Variants in BTBD10 observed in about 807,000 individuals in gnomAD.
The protein encoded by BTBD10 is BTB domain containing 10.
Under a neutral mutation model 53.2 loss-of-function variants are expected in BTBD10, and 21 were observed. That is an observed-to-expected ratio of 0.39 (90% confidence interval 0.28 to 0.57). The LOEUF is 0.57. Among genes scored for constraint, BTBD10 ranks in the 20% least tolerant of loss-of-function variants. BTBD10 has a pLI of 0.53. For missense variants in BTBD10, 360 were observed against 594.7 expected, an observed-to-expected ratio of 0.61 and a Z score of 4.10; for synonymous variants, 149 against 192.7, an observed-to-expected ratio of 0.77 and a Z score of 1.88.
intron 8 of BTBD10, among the ~76,000 whole-genome samples, chr11:13,400,657 C>T (rs967371982): frequency 6.6e-6 from 1 of 151,388 alleles, no homozygotes; most frequent in East Asian, 1.9e-4. Flanking sequence ...AAGCTGTAGA[C>T]TGGAGCTGTT....
rs201471460 is a variant in BTBD10 at position 13,421,799 on chromosome 11, G to T, written c.141C>A (p.Thr47=). The T allele has an allele frequency of 3.1e-6, 5 of 1,613,464 alleles. No homozygotes were observed. Among genetic ancestry groups the T allele is most frequent in the Non-Finnish European group, 8.5e-7 (1 of 1,179,698 alleles). The part of the protein sequence containing the change: ...SRIAKGGVDH[T]KMSLHGASGG... The stretch of plus-strand genomic sequence containing the variant: ...CACTAGCACCATGTAGACTCATTTT[G>T]GTGTGGTCAACTCCTCCTTTAGCAA... Residue 47 remains threonine, a synonymous_variant, in exon 3 of 9, where the codon ACC becomes ACA. Coordinates refer to ENST00000278174, the MANE Select transcript of BTBD10 (RefSeq NM_032320.7).
intron 2 of BTBD10, among the ~76,000 whole-genome samples, chr11:13,425,285 T>TC (rs923050438): frequency 1.3e-5 from 2 of 152,104 alleles, no homozygotes; most frequent in Non-Finnish European, 2.9e-5. Flanking sequence ...CTGTTCCAGT[T>TC]CCCCTAATAA....
chr11:13,446,918 G>C (rs1950758192), intron 1 of BTBD10, among the ~76,000 whole-genome samples: 1 of 152,036 alleles, frequency 6.6e-6, no homozygotes. Flanking sequence ...TGGGGAGAAT[G>C]AACAAATCGG....
intron 1 of BTBD10, among the ~76,000 whole-genome samples, chr11:13,457,742 C>T (rs1161843369): frequency 6.6e-6 from 1 of 152,092 alleles, no homozygotes; most frequent in African/African-American, 2.4e-5. Flanking sequence ...CACATAATGA[C>T]TTACATACTC....
chr11:13,445,074 A>G lies in BTBD10; in HGVS notation c.51T>C (p.Asn17=), dbSNP rs1469827220. Residue 17 remains asparagine, a synonymous_variant, in exon 2 of 9, where the codon AAT becomes AAC. Coordinates refer to ENST00000278174, the MANE Select transcript of BTBD10 (RefSeq NM_032320.7). ...PYDGNSSDPE[N]WDRKLHSRPR... ...GTCTACTATGCAATTTCCGATCCCA[A>G]TTCTCTGGATCACTGGAGTTACCAT... The G allele has an allele frequency of 2.5e-6, 4 of 1,613,328 alleles. No individual in the cohort carries two copies. The highest frequency in any genetic ancestry group is 1.7e-5 in the Admixed American group (1 of 59,964).
intron 2 of BTBD10, among the ~76,000 whole-genome samples, chr11:13,424,437 A>G (rs538792040): frequency 1.3e-5 from 2 of 152,370 alleles, no homozygotes; most frequent in African/African-American, 2.4e-5. Context: ...ATTCCCATAT[A>G]GACTGAACCC....
At chr11:13,428,138 G>A (rs1834082011) in intron 2 of BTBD10, among the ~76,000 whole-genome samples, 1 of 152,046 alleles carries the variant, frequency 6.6e-6, no homozygotes, top group East Asian at 1.9e-4. Flanking sequence ...AGAAATAAGA[G>A]AGGCTACAGA....
chr11:13,396,023 C>G (rs1031619379), intron 8 of BTBD10, among the ~76,000 whole-genome samples: 63 of 151,926 alleles, frequency 4.1e-4, no homozygotes, highest in Non-Finnish European at 1.5e-4. Context: ...GCAATGCGGG[C>G]TCTTTTTTGG....
chr11:13,408,629 A>T (rs1263766647), intron 6 of BTBD10, among the ~76,000 whole-genome samples: 1 of 152,146 alleles, frequency 6.6e-6, no homozygotes, highest in Non-Finnish European at 1.5e-5. Context: ...TTTGCTCCTC[A>T]TGAAGTCTCC....
At chr11:13,415,280 T>C (rs138209236) in intron 5 of BTBD10, among the ~76,000 whole-genome samples, 1 of 152,174 alleles carries the variant, frequency 6.6e-6, no homozygotes, top group East Asian at 1.9e-4. Context: ...ACCAACTCAG[T>C]ATACCACTGG....
intron 1 of BTBD10, among the ~76,000 whole-genome samples, chr11:13,449,301 T>C (rs1950807549): frequency 6.6e-6 from 1 of 152,150 alleles, no homozygotes. Context: ...CTATCGAAGT[T>C]CTAGGAAGTT....
rs1949926979 is a variant in BTBD10 at position 13,410,868 on chromosome 11, A to G, written c.808+2662T>C. 2.0e-5 allele frequency among the ~76,000 whole-genome samples: 3 copies of G among 152,252 alleles called. No individual in the cohort carries two copies. In the South Asian group the frequency reaches 6.2e-4, roughly 31 times the overall value. ...AAGAAAATGATAAAACTCTACCTAA[A>G]GACACAAAAGTGTGAATAAATGGGA... On this transcript the variant is annotated intron_variant, in intron 6 of 8. Transcript: ENST00000278174.
intron 1 of BTBD10, among the ~76,000 whole-genome samples, chr11:13,459,046 T>TTTATTTATTTA (rs1565277434): frequency 7.7e-6 from 1 of 130,598 alleles, no homozygotes; most frequent in African/African-American, 3.0e-5. Context: ...TTATTTATTT[T>TTTATTTATTTA]TTTATTTATT....
At chr11:13,420,284 A>G (rs2133967762) in intron 3 of BTBD10, among the ~76,000 whole-genome samples, 1 of 151,966 alleles carries the variant, frequency 6.6e-6, no homozygotes, top group Middle Eastern at 3.4e-3. Context: ...CCCCACAAAA[A>G]AAGAAAGAAA....
At chr11:13,412,261 C>T (rs1465615450) in intron 6 of BTBD10, among the ~76,000 whole-genome samples, 3 of 152,104 alleles carry the variant, frequency 2.0e-5, no homozygotes, top group East Asian at 3.9e-4. Flanking sequence ...CAAGACCAAC[C>T]TGGCCAACAT....
chr11:13,389,224 T>A, intron 8 of BTBD10, 83 bp from the exon 9 acceptor site: 2 of 1,158,436 alleles, frequency 1.7e-6, no homozygotes, highest in Non-Finnish European at 2.4e-6. Context: ...TTTTCTGCTA[T>A]AGATCCTAAA....
chr11:13,399,972 C>A (rs1565231780), intron 8 of BTBD10, among the ~76,000 whole-genome samples: 1 of 152,176 alleles, frequency 6.6e-6, no homozygotes, highest in East Asian at 1.9e-4. Context: ...GGGGTGCCTC[C>A]CAGTTAGGCT....
At chr11:13,431,254 A>T (rs1345349370) in intron 2 of BTBD10, among the ~76,000 whole-genome samples, 2 of 152,144 alleles carry the variant, frequency 1.3e-5, no homozygotes. Flanking sequence ...TGGTCTCAAG[A>T]AACCAAAAGC....
At chr11:13,453,778 G>C (rs1950911587) in intron 1 of BTBD10, among the ~76,000 whole-genome samples, 1 of 152,188 alleles carries the variant, frequency 6.6e-6, no homozygotes, top group African/African-American at 2.4e-5. Flanking sequence ...AAGAGGCTGG[G>C]TGCGGTGGCT....
Sources: allele counts gnomAD v4.1 joint callset (sites outside exome capture counted in the v4.1 genomes callset), GRCh38; gene constraint gnomAD v4.1.1; transcripts MANE v1.5; gene names NCBI Gene and HGNC (gene_info 2026-07-23, HGNC 2026-07-21).